Variants in PLCB3 observed in about 807,000 individuals in gnomAD.
PLCB3 encodes phospholipase C beta 3.
PLCB3 carries 54 observed loss-of-function variants against 152.1 expected under a neutral mutation model. The ratio of observed to expected loss-of-function variants is 0.36; its 90% CI spans 0.29 to 0.45. The LOEUF (loss-of-function observed/expected upper bound fraction) is 0.45. Among genes scored for constraint, PLCB3 ranks in the 20% least tolerant of loss-of-function variants. The pLI is 1.00. For missense variants in PLCB3, 1,248 were observed against 1,687.5 expected, an observed-to-expected ratio of 0.74 and a Z score of 4.56; for synonymous variants, 717 against 698.7, an observed-to-expected ratio of 1.03 and a Z score of -0.41.
In PLCB3 at chr11:64,254,957, G is replaced by A; in HGVS notation, c.306G>A (p.Lys102=). Residue 102 remains lysine, a synonymous_variant, in exon 4 of 31, where the codon AAG becomes AAA. Coordinates refer to ENST00000279230, the MANE Select transcript of PLCB3 (RefSeq NM_000932.5). ...FGGPDARLEE[K]LMTVVSGPDP... ...GTCCCGATGCCCGGCTGGAGGAGAA[G>A]CTGATGACGGTGGTGTCTGGGCCAG... 6.2e-7 allele frequency: 1 copy of A among 1,600,916 alleles called. No homozygotes were observed. Among genetic ancestry groups the A allele is most frequent in the Non-Finnish European group, 8.5e-7 (1 of 1,172,314 alleles).
At chr11:64,260,326 C>CAGGAGGCAGGGGTGA in intron 14 of PLCB3, 92 bp downstream of exon 14, 3 of 875,322 alleles carry the variant, frequency 3.4e-6, no homozygotes, top group Non-Finnish European at 5.4e-6. Context: ...GACATCACCC[C>CAGGAGGCAGGGGTGA]TGCCTCCTGG....
rs1348046127 is a variant in PLCB3 at position 64,266,710 on chromosome 11, C to G, written c.3414+158C>G. Among the ~76,000 whole-genome samples the G allele has an allele frequency of 6.6e-6, 1 of 152,174 alleles. No individual in the cohort carries two copies. The highest frequency in any genetic ancestry group is 1.5e-5 in the Non-Finnish European group (1 of 68,026). ...CAGGGTACCCACATCATACCCAAAG[C>G]CAACTGTCTGTACCAGTGTCCCTGG... is the stretch of plus-strand genomic sequence containing the variant. On this transcript the variant is annotated intron_variant, in intron 29 of 30. Coordinates refer to ENST00000279230, the MANE Select transcript of PLCB3 (RefSeq NM_000932.5). This position sits in a 1 kb window ranked among gnomAD's most constrained non-coding sequence, Gnocchi z 4.9.
intron 13 of PLCB3, 50 bp from the exon 14 acceptor site, chr11:64,259,979 A>G: frequency 2.0e-6 from 3 of 1,492,020 alleles, no homozygotes; most frequent in East Asian, 2.3e-5. Context: ...CAGACTTCCT[A>G]AGCAGCTGTG....
chr11:64,267,628 CTTT>C lies in PLCB3; in HGVS notation c.*87_*89del, dbSNP rs570819056. 1,210 of 770,558 alleles carry C rather than the reference CTTT, an allele frequency of 1.6e-3. No individual in the cohort carries two copies. The highest frequency in any genetic ancestry group is 1.9e-3 in the Non-Finnish European group (953 of 509,044). The allele number at this position is 770,558 out of a possible 1,614,324, so 47.7% of individuals were successfully genotyped here. Reference sequence around the variant, plus strand: ...AGGGCAGGAGGCAATGACACTAATGCTTTTTTTTTTTTTTTTTAACTTTTTATC... The same window carrying C: ...AGGGCAGGAGGCAATGACACTAATGCTTTTTTTTTTTTTTAACTTTTTATC... On this transcript the variant is annotated 3_prime_UTR_variant, in exon 31 of 31. Coordinates refer to ENST00000279230, the MANE Select transcript of PLCB3 (RefSeq NM_000932.5). This position sits in a 1 kb window ranked among gnomAD's most constrained non-coding sequence, Gnocchi z 5.2.
chr11:64,255,644 T>TGGGGGGGGGGGCAAGGGGGGGGGGG lies in PLCB3; in HGVS notation c.597+32_597+33insGGGGGGGCAAGGGGGGGGGGGGGGG. 1 of 890,212 alleles carries TGGGGGGGGGGGCAAGGGGGGGGGGG rather than the reference T, an allele frequency of 1.1e-6. No individual in the cohort carries two copies. The highest frequency in any genetic ancestry group is 1.7e-6 in the Non-Finnish European group (1 of 582,142). 55.1% of individuals were successfully genotyped at this position (890,212 alleles called of 1,614,324 possible). A position where few individuals can be genotyped will look rare whatever the true frequency, so the allele number is the denominator to read the frequency against. On this transcript the variant is annotated intron_variant, in intron 7 of 30. Coordinates refer to ENST00000279230, the MANE Select transcript of PLCB3 (RefSeq NM_000932.5). The surrounding 1 kb of genome is among the most constrained non-coding windows in gnomAD (Gnocchi z 6.8). ...GTGTGGGGTGGGGACAGGGGCGGGG[T>TGGGGGGGGGGGCAAGGGGGGGGGGG]GGGGTGTCACGGTGGGCACCCACCC... is the stretch of plus-strand genomic sequence containing the variant.
intron 1 of PLCB3, among the ~76,000 whole-genome samples, chr11:64,253,460 T>C (rs1371713157): frequency 6.6e-6 from 1 of 152,168 alleles, no homozygotes; most frequent in Non-Finnish European, 1.5e-5. Flanking sequence ...GGTGTGCGTA[T>C]ATGAGATGTA....
Position 64,263,758 on chromosome 11 carries a change from C to T in PLCB3, c.2523C>T (p.Tyr841=), listed in dbSNP as rs2031973543. ...QPLCLPALLI[Y]TEASDYIPDD... ...TGTGCCTGCCGGCCCTGCTCATCTA[C>T]ACCGAAGCCTCGGACTACATTCCTG... is the stretch of plus-strand genomic sequence containing the variant. Residue 841 remains tyrosine (Y), a synonymous_variant, in exon 21 of 31, where the codon TAC becomes TAT. Coordinates refer to ENST00000279230, the MANE Select transcript of PLCB3 (RefSeq NM_000932.5). The T allele has an allele frequency of 6.2e-7, 1 of 1,613,464 alleles. No homozygotes were observed. The highest frequency in any genetic ancestry group is 1.3e-5 in the African/African-American group (1 of 75,060).
chr11:64,260,772 CAAAAAAAAAAAAA>C lies in PLCB3; in HGVS notation c.1731+548_1731+560del, dbSNP rs10689916. On this transcript the variant is annotated intron_variant, in intron 14 of 30. Coordinates refer to ENST00000279230, the MANE Select transcript of PLCB3 (RefSeq NM_000932.5). ...TGGGCTAAAAAGGGAGACACTATCT[CAAAAAAAAAAAAA>C]AAAAAAAAAGACATCATTGCTATAA... is the stretch of plus-strand genomic sequence containing the variant. Among the ~76,000 whole-genome samples the C allele has an allele frequency of 5.6e-5, 4 of 71,594 alleles. No individual in the cohort carries two copies. The Admixed American group carries it at 7.1e-4, about 13-fold the overall frequency. 47.0% of individuals were successfully genotyped at this position (71,594 alleles called of 152,430 possible).
rs1433342971 is a variant in PLCB3, at chr11:64,260,249, G to A, written c.1731+15G>A. ...CTACAGATGAGGTCAGGCCCACAGG[G>A]TGGGCAGGTCGGGGAGGTAGCATCT... On this transcript the variant is annotated intron_variant, in intron 14 of 30. Transcript: ENST00000279230. 1.3e-6 allele frequency: 2 copies of A among 1,544,600 alleles called. No homozygotes were observed. The highest frequency in any genetic ancestry group is 2.4e-5 in the South Asian group (2 of 83,532).
At chr11:64,263,301 TGGCTGCAGTCATCCATTAGGCC>T in intron 19 of PLCB3, 175 bp from the exon 20 acceptor site, 1 of 570,650 alleles carries the variant, frequency 1.8e-6, no homozygotes, top group Non-Finnish European at 3.1e-6. Context: ...AGGGTCCTGA[TGGCTGCAGTCATCCATTAGGCC>T]AGGACATGGA....
rs1565329868 is a variant in PLCB3, at chr11:64,255,333, AG to A, written c.467+25del. The A allele has an allele frequency of 6.2e-7, 1 of 1,613,198 alleles. No individual in the cohort carries two copies. Among genetic ancestry groups the A allele is most frequent in the Non-Finnish European group, 8.5e-7 (1 of 1,179,312 alleles). On this transcript the variant is annotated intron_variant, in intron 5 of 30. Coordinates refer to ENST00000279230, the MANE Select transcript of PLCB3 (RefSeq NM_000932.5). The surrounding 1 kb of genome is among the most constrained non-coding windows in gnomAD (Gnocchi z 6.8). ...CAAAGCGTGAGCCCCAGGCCACCCG[AG>A]GGGGAGCCGGGGGGTTCACGTGGCC...
In PLCB3 at chr11:64,267,510, TG is replaced by T; in HGVS notation, c.3660del (p.Ser1221ArgfsTer45). 1 of 1,569,136 alleles carries T rather than the reference TG, an allele frequency of 6.4e-7. No homozygotes were observed. The highest frequency in any genetic ancestry group is 1.3e-5 in the African/African-American group (1 of 74,214). On this transcript the variant is annotated frameshift_variant, in exon 31 of 31. Transcript: ENST00000279230. LOFTEE classifies it high-confidence loss of function. The surrounding 1 kb of genome is among the most constrained non-coding windows in gnomAD (Gnocchi z 5.2). ...NGHAPGSSGH[L>X]SGADSESQEE... The stretch of plus-strand genomic sequence containing the variant: ...CACGCACCCGGGAGCAGCGGGCACC[TG>T]TCGGGCGCTGACTCGGAGAGCCAGG...
Position 64,266,551 on chromosome 11 carries a change from G to C in PLCB3, c.3413G>C (p.Arg1138Pro). The C allele has an allele frequency of 6.2e-7, 1 of 1,613,732 alleles. No individual in the cohort carries two copies. Among genetic ancestry groups the C allele is most frequent in the Non-Finnish European group, 8.5e-7 (1 of 1,179,878 alleles). Residue 1138 changes from arginine (R) to proline (P), a missense_variant and splice_region_variant, in exon 29 of 31, where the codon CGG becomes CCG. Arg to Pro is a moderately radical substitution (Grantham distance 103). This residue lies in a region of PLCB3 where 477 missense variants were observed against 489.6 expected (regional missense o/e 0.97). Transcript: ENST00000279230. This position sits in a 1 kb window ranked among gnomAD's most constrained non-coding sequence, Gnocchi z 4.9. ...ACTGAGTCAGTCAACTCCATCCGTC[G>C]GGTGAGTCAGGCTCCCGGGCCACCC... The part of the protein sequence containing the change: ...HITESVNSIR[R>P]LEEAQKQRHD...
In PLCB3 at chr11:64,255,254, C is replaced by G; in HGVS notation, c.408C>G (p.Phe136Leu). The G allele has an allele frequency of 6.2e-7, 1 of 1,613,674 alleles. No individual in the cohort carries two copies. The highest frequency in any genetic ancestry group is 8.5e-7 in the Non-Finnish European group (1 of 1,179,862). Residue 136 changes from phenylalanine to leucine, a missense_variant, in exon 5 of 31, where the codon TTC (phenylalanine) becomes TTG (leucine). Physicochemically the swap from Phe to Leu is conservative, Grantham distance 22. Coordinates refer to ENST00000279230, the MANE Select transcript of PLCB3 (RefSeq NM_000932.5). This position sits in a 1 kb window ranked among gnomAD's most constrained non-coding sequence, Gnocchi z 6.8. ...DTAKVWSEEL[F>L]KLAMNILAQN... ...CCCAGGTCTGGTCTGAGGAGCTATTCAAGCTGGCTATGAACATCCTGGCTC... is the reference window on the plus strand; with the variant it reads ...CCCAGGTCTGGTCTGAGGAGCTATTGAAGCTGGCTATGAACATCCTGGCTC...
downstream of PLCB3, chr11:64,267,946 G>C (rs550254343): frequency 1.1e-5 from 2 of 186,974 alleles, no homozygotes; most frequent in Non-Finnish European, 2.2e-5. The surrounding 1 kb of genome is among the most constrained non-coding windows in gnomAD (Gnocchi z 5.2). Context: ...TGTGATTTGG[G>C]GTGACAGGAC....
At position 64,262,490 on chromosome 11, in the gene PLCB3, C is replaced by T. The variant is rs757389231; in HGVS notation, c.2122C>T (p.Pro708Ser). The T allele has an allele frequency of 1.9e-6, 3 of 1,614,008 alleles. No individual in the cohort carries two copies. Among genetic ancestry groups the T allele is most frequent in the Non-Finnish European group, 2.5e-6 (3 of 1,180,032 alleles). The stretch of plus-strand genomic sequence containing the variant: ...GCTCAAGCCGGAGTTCATGCGGCGG[C>T]CGGACAAGTCCTTCGACCCCTTCAC... ...YLLKPEFMRRPDKSFDPFTEV... is the reference protein window; with the variant it reads ...YLLKPEFMRRSDKSFDPFTEV... Residue 708 changes from proline (P) to serine (S), a missense_variant, in exon 18 of 31, where the codon CCG becomes TCG. This residue lies in a region of PLCB3 where 244 missense variants were observed against 424.4 expected (regional missense o/e 0.57). Coordinates refer to ENST00000279230, the MANE Select transcript of PLCB3 (RefSeq NM_000932.5).
chr11:64,256,489 A>G lies in PLCB3; in HGVS notation c.812A>G (p.Gln271Arg), dbSNP rs1430933423. Residue 271 changes from glutamine to arginine, a missense_variant, in exon 9 of 31, where the codon CAG (glutamine) becomes CGG (arginine). Gln to Arg is a conservative substitution (Grantham distance 43). This residue lies in a region of PLCB3 where 299 missense variants were observed against 434.7 expected (regional missense o/e 0.69). Transcript: ENST00000279230. ...EVLYPPLRPSQARLLIEKYEP... is the reference protein window; with the variant it reads ...EVLYPPLRPSRARLLIEKYEP... Reference sequence around the variant, plus strand: ...CTGTACCCGCCCCTGCGGCCCTCCCAGGCCCGGCTGCTCATCGAAAAGTAT... The same window carrying G: ...CTGTACCCGCCCCTGCGGCCCTCCCGGGCCCGGCTGCTCATCGAAAAGTAT... 4 of 1,613,774 alleles carry G rather than the reference A, an allele frequency of 2.5e-6. No individual in the cohort carries two copies. In the Admixed American group the frequency reaches 5.0e-5, roughly 20 times the overall value.
rs755695308 is a variant in PLCB3, at chr11:64,254,804, C to T, written c.234C>T (p.Ala78=). Residue 78 remains alanine, a synonymous_variant, in exon 3 of 31, where the codon GCC becomes GCT. Transcript: ENST00000279230. Reference sequence around the variant, plus strand: ...GGGACACACGGACAGGCCGGTACGCCCGCCTGCCCAAGGTGAGTGATGAGC... The same window carrying T: ...GGGACACACGGACAGGCCGGTACGCTCGCCTGCCCAAGGTGAGTGATGAGC... ...SIRDTRTGRY[A]RLPKDPKIRE... 3 of 1,613,790 alleles carry T rather than the reference C, an allele frequency of 1.9e-6. No homozygotes were observed. The highest frequency in any genetic ancestry group is 2.5e-6 in the Non-Finnish European group (3 of 1,180,014).
rs530131136 is a variant in PLCB3, at chr11:64,258,079, G to T, written c.1013-394G>T. On this transcript the variant is annotated intron_variant, in intron 10 of 30. Coordinates refer to ENST00000279230, the MANE Select transcript of PLCB3 (RefSeq NM_000932.5). The surrounding 1 kb of genome is among the most constrained non-coding windows in gnomAD (Gnocchi z 7.2). ...TGAGGCAGGAGAATCGCTTGAACCA[G>T]GGAGGCGGAGGTTGCAGTGAACCGA... Among the ~76,000 whole-genome samples, 1 of 152,000 alleles carries T rather than the reference G, an allele frequency of 6.6e-6. No individual in the cohort carries two copies. Among genetic ancestry groups the T allele is most frequent in the African/African-American group, 2.4e-5 (1 of 41,470 alleles).
Sources: allele counts gnomAD v4.1 joint callset (sites outside exome capture counted in the v4.1 genomes callset), GRCh38; gene constraint gnomAD v4.1.1; regional missense constraint gnomAD v4.1.1; non-coding constraint Gnocchi (gnomAD v3.1); transcripts MANE v1.5; gene names NCBI Gene and HGNC (gene_info 2026-07-23, HGNC 2026-07-21).